DAB1: variants seen among roughly 807,000 people sequenced by gnomAD.
The protein encoded by DAB1 is DAB adaptor protein 1.
Under a neutral mutation model 64.6 loss-of-function variants are expected in DAB1, and 15 were observed. That is an observed-to-expected ratio of 0.23 (90% CI 0.16 to 0.36). The LOEUF is 0.36. Ranked by LOEUF, DAB1 falls within the 10% of genes least tolerant of loss-of-function variation. The probability of loss-of-function intolerance (pLI) is 1.00; values close to 1 mark genes in which losing one functional copy is unlikely to be tolerated. For synonymous variants in DAB1, 235 were observed against 251.9 expected (o/e 0.93, Z 0.64); for missense variants, 596 against 706.7 (o/e 0.84, Z 1.78).
chr1:57,239,797 C>T (rs538505260), intron 2 of DAB1, among the ~76,000 whole-genome samples: 2 of 152,284 alleles, frequency 1.3e-5, no homozygotes, highest in Non-Finnish European at 2.9e-5. Context: ...TAAATTCTCT[C>T]TTTTCTGACT....
chr1:57,108,572 C>T (rs1415649155), intron 4 of DAB1, among the ~76,000 whole-genome samples: 2 of 152,164 alleles, frequency 1.3e-5, no homozygotes, highest in African/African-American at 4.8e-5. Context: ...AAAATGTAAG[C>T]TCCTTGAGGC....
intron 5 of DAB1, among the ~76,000 whole-genome samples, chr1:57,918,305 T>A (rs1405979301): frequency 1.3e-5 from 2 of 152,102 alleles, no homozygotes; most frequent in African/African-American, 4.8e-5. Flanking sequence ...ACTGGGTATT[T>A]TGTAAAGAGG....
At chr1:58,172,080 C>T (rs1570444391) in intron 4 of DAB1, among the ~76,000 whole-genome samples, 1 of 152,172 alleles carries the variant, frequency 6.6e-6, no homozygotes, top group South Asian at 2.1e-4. Flanking sequence ...CCCCTTTATA[C>T]TCTAATCAAG....
chr1:57,062,623 A>C (rs1650513176), intron 9 of DAB1, among the ~76,000 whole-genome samples: 1 of 152,180 alleles, frequency 6.6e-6, no homozygotes, highest in African/African-American at 2.4e-5. Flanking sequence ...CCTTAAACAG[A>C]GTAGTTCACG....
At chr1:57,843,008 G>A (rs1309467832) in intron 1 of DAB1, among the ~76,000 whole-genome samples, 2 of 152,172 alleles carry the variant, frequency 1.3e-5, no homozygotes, top group South Asian at 2.1e-4. Context: ...TGACTGCCTG[G>A]TTGACTGGGA....
intron 6 of DAB1, among the ~76,000 whole-genome samples, chr1:57,685,034 C>A (rs1646679360): frequency 6.6e-6 from 1 of 151,732 alleles, no homozygotes; most frequent in Admixed American, 6.6e-5. Context: ...CTTACTGCAA[C>A]CTATGCCTCC....
intron 5 of DAB1, chr1:58,049,299 G>A: frequency 1.5e-6 from 1 of 682,522 alleles, no homozygotes; most frequent in Non-Finnish European, 2.7e-6. Context: ...CAGGATGGCA[G>A]GGAGAAGAGA....
At chr1:57,305,840 G>A (rs529216970) in intron 1 of DAB1, among the ~76,000 whole-genome samples, 1 of 151,782 alleles carries the variant, frequency 6.6e-6, no homozygotes, top group Admixed American at 6.6e-5. Flanking sequence ...GCGGTTACGG[G>A]TGCCTGTAGT....
intron 7 of DAB1, among the ~76,000 whole-genome samples, chr1:57,509,228 C>T (rs373302388): frequency 6.6e-6 from 1 of 152,078 alleles, no homozygotes. Flanking sequence ...TGGCATAGTG[C>T]CTAGCCTATA....
At chr1:57,634,413 T>A (rs1041711851) in intron 7 of DAB1, among the ~76,000 whole-genome samples, 5 of 152,188 alleles carry the variant, frequency 3.3e-5, no homozygotes, top group African/African-American at 1.2e-4. Flanking sequence ...GAGATAATAA[T>A]ATATAATCTT....
chr1:57,459,369 G>A (rs1686705958), intron 7 of DAB1, among the ~76,000 whole-genome samples: 1 of 152,060 alleles, frequency 6.6e-6, no homozygotes, highest in Non-Finnish European at 1.5e-5. Flanking sequence ...GATGTTTGCA[G>A]TTTGTCATGG....
chr1:57,545,409 TATTTAGGATGACTG>T (rs1644845490), intron 7 of DAB1, among the ~76,000 whole-genome samples: 1 of 152,212 alleles, frequency 6.6e-6, no homozygotes, highest in South Asian at 2.1e-4. Context: ...TGTTCACTGC[TATTTAGGATGACTG>T]ATTTGTCGCA....
chr1:57,631,751 T>C (rs1645991859), intron 7 of DAB1, among the ~76,000 whole-genome samples: 1 of 152,188 alleles, frequency 6.6e-6, no homozygotes. Context: ...AGCACTGCAA[T>C]CACTAAAATG....
intron 1 of DAB1, among the ~76,000 whole-genome samples, chr1:57,389,474 A>G (rs957706768): frequency 4.5e-4 from 69 of 152,288 alleles, no homozygotes; most frequent in African/African-American, 1.6e-3. Flanking sequence ...TGTGGGTTCA[A>G]CTAAGGGAAA....
intron 1 of DAB1, chr1:57,878,752 C>CTG (rs2101967258): frequency 6.6e-6 from 1 of 152,252 alleles, no homozygotes; most frequent in East Asian, 1.9e-4. Context: ...CCCAACAGTG[C>CTG]TGTAGAACAC....
chr1:57,050,937 C>T (rs1404751041), intron 9 of DAB1, among the ~76,000 whole-genome samples: 1 of 152,124 alleles, frequency 6.6e-6, no homozygotes, highest in Non-Finnish European at 1.5e-5. Flanking sequence ...TCTGGGATTA[C>T]AAAAGTAATG....
intron 3 of DAB1, among the ~76,000 whole-genome samples, chr1:58,374,537 A>T (rs1644304139): frequency 6.6e-6 from 1 of 150,720 alleles, no homozygotes; most frequent in Admixed American, 6.6e-5. Flanking sequence ...CCATTGATCT[A>T]TATCTCTGTT....
At chr1:57,585,517 A>C (rs1026252676) in intron 7 of DAB1, among the ~76,000 whole-genome samples, 1 of 152,178 alleles carries the variant, frequency 6.6e-6, no homozygotes, top group Non-Finnish European at 1.5e-5. Flanking sequence ...GGCATGAGCC[A>C]AGTAGTCTTC....
At chr1:58,074,564 GTATATATATATATATATATA>G (rs375821412) in intron 5 of DAB1, 2 of 91,632 alleles carry the variant, frequency 2.2e-5, no homozygotes, top group African/African-American at 8.7e-5. Flanking sequence ...ATATATGTGT[GTATATATATATATATATATA>G]TATATATATA....
Sources: gnomAD v4.1 joint callset for allele counts (sites outside exome capture counted in the v4.1 genomes callset) on GRCh38, gnomAD v4.1.1 for gene constraint, MANE v1.5 for transcripts, NCBI Gene and HGNC (gene_info 2026-07-23, HGNC 2026-07-21) for gene names.